The following MAGI1 variants were observed in gnomAD, a reference collection of about 807,000 sequenced individuals.
The protein encoded by MAGI1 is membrane-associated guanylate kinase, WW and PDZ domain-containing protein 1.
MAGI1 carries 58 observed loss-of-function variants against 139.9 expected under a neutral mutation model. The observed-to-expected ratio is 0.41, with a 90% CI of 0.34 to 0.52. The LOEUF (loss-of-function observed/expected upper bound fraction) is 0.52. Ranked by LOEUF, MAGI1 falls within the 20% of genes least tolerant of loss-of-function variation. The pLI is 0.12. For missense variants in MAGI1, 1,874 were observed against 1,901.6 expected, an observed-to-expected ratio of 0.99 and a Z score of 0.27; for synonymous variants, 812 against 737.9, an observed-to-expected ratio of 1.10 and a Z score of -1.63.
At chr3:65,499,793 T>C (rs74592162) in intron 2 of MAGI1, among the ~76,000 whole-genome samples, 2,065 of 152,296 alleles carry the variant, frequency 0.014, 45 homozygotes, top group African/African-American at 0.046. Flanking sequence ...TGAGTTCACA[T>C]AGTTAAATGG....
chr3:65,631,740 G>A (rs1048806319), intron 1 of MAGI1, among the ~76,000 whole-genome samples: 2 of 152,106 alleles, frequency 1.3e-5, no homozygotes. Flanking sequence ...GTGGCCAGAT[G>A]CGGTGGCTCA....
At chr3:65,570,848 G>C (rs1040034367) in intron 2 of MAGI1, among the ~76,000 whole-genome samples, 2 of 152,192 alleles carry the variant, frequency 1.3e-5, no homozygotes, top group African/African-American at 4.8e-5. Flanking sequence ...CCCCGTTTCA[G>C]GCTGCCTGGT....
chr3:65,638,272 A>G (rs1412374430), intron 1 of MAGI1, among the ~76,000 whole-genome samples: 1 of 152,190 alleles, frequency 6.6e-6, no homozygotes, highest in Admixed American at 6.5e-5. Context: ...TTCCTTCATC[A>G]TCTGACTTGA....
At chr3:65,866,210 A>C (rs2059719010) in intron 1 of MAGI1, among the ~76,000 whole-genome samples, 4 of 141,718 alleles carry the variant, frequency 2.8e-5, no homozygotes, top group Admixed American at 7.3e-5. Flanking sequence ...TGCTGTTTTC[A>C]ATTTTTTTCT....
At chr3:65,502,997 T>C (rs891661407) in intron 2 of MAGI1, among the ~76,000 whole-genome samples, 1 of 152,026 alleles carries the variant, frequency 6.6e-6, no homozygotes. Context: ...CTATGTAGAC[T>C]CAAAAGGGTC....
chr3:65,490,843 C>CAAAAAAAAAAAAAAAA (rs5849677), intron 3 of MAGI1, among the ~76,000 whole-genome samples: 2 of 64,754 alleles, frequency 3.1e-5, no homozygotes, highest in Non-Finnish European at 2.7e-5. Flanking sequence ...GACTCTGTCT[C>CAAAAAAAAAAAAAAAA]AAAAAAAAAA....
intron 1 of MAGI1, among the ~76,000 whole-genome samples, chr3:66,032,501 T>C (rs1172641678): frequency 6.7e-6 from 1 of 149,584 alleles, no homozygotes; most frequent in African/African-American, 2.5e-5. Flanking sequence ...ATTACAGGCA[T>C]GAGCCACCAC....
chr3:65,386,639 C>A (rs1168664764), intron 14 of MAGI1, among the ~76,000 whole-genome samples: 1 of 152,156 alleles, frequency 6.6e-6, no homozygotes, highest in Admixed American at 6.5e-5. Flanking sequence ...TTACTTCAGG[C>A]AGATTTTATT....
intron 1 of MAGI1, among the ~76,000 whole-genome samples, chr3:66,002,135 G>A (rs535042552): frequency 4.7e-4 from 71 of 152,286 alleles, no homozygotes; most frequent in Non-Finnish European, 7.9e-4. Context: ...GCCTGCATTA[G>A]TTCTCCTCAG....
At chr3:65,711,967 C>T (rs991127218) in intron 1 of MAGI1, among the ~76,000 whole-genome samples, 4 of 151,918 alleles carry the variant, frequency 2.6e-5, no homozygotes, top group Admixed American at 6.6e-5. Flanking sequence ...TGCAATTTAT[C>T]TTTTATTCTT....
intron 1 of MAGI1, among the ~76,000 whole-genome samples, chr3:65,740,755 G>C (rs1034338103): frequency 1.3e-5 from 2 of 152,116 alleles, no homozygotes; most frequent in African/African-American, 2.4e-5. Flanking sequence ...ACTAAGGTCA[G>C]GTCGTGAAAA....
At chr3:65,360,858 T>C in intron 22 of MAGI1, 2 of 1,166,176 alleles carry the variant, frequency 1.7e-6, no homozygotes, top group Non-Finnish European at 2.1e-6. Context: ...AAGGAGTATA[T>C]AGTCATTTTG....
intron 1 of MAGI1, among the ~76,000 whole-genome samples, chr3:65,882,613 T>C (rs2060374822): frequency 6.6e-6 from 1 of 151,446 alleles, no homozygotes; most frequent in South Asian, 2.1e-4. Flanking sequence ...AGAGAATAAA[T>C]CAGAAAAGAA....
At chr3:65,912,120 T>C (rs1171840373) in intron 1 of MAGI1, among the ~76,000 whole-genome samples, 1 of 151,962 alleles carries the variant, frequency 6.6e-6, no homozygotes, top group Non-Finnish European at 1.5e-5. Flanking sequence ...CTCTCGAGTC[T>C]AGATATGAAA....
chr3:65,475,095 G>A (rs758110593), intron 4 of MAGI1, among the ~76,000 whole-genome samples: 5 of 151,774 alleles, frequency 3.3e-5, no homozygotes, highest in Non-Finnish European at 5.9e-5. Context: ...AGAATATCAG[G>A]GATTATTGGG....
intron 1 of MAGI1, among the ~76,000 whole-genome samples, chr3:65,932,093 A>G (rs2062831626): frequency 6.6e-6 from 1 of 152,194 alleles, no homozygotes; most frequent in East Asian, 1.9e-4. Flanking sequence ...TGTGGACACA[A>G]ATGCTTACAA....
intron 1 of MAGI1, among the ~76,000 whole-genome samples, chr3:65,771,608 T>C (rs952717874): frequency 2.6e-5 from 4 of 152,258 alleles, no homozygotes; most frequent in Non-Finnish European, 4.4e-5. Flanking sequence ...ATGTGATTAA[T>C]AGTTATTTGC....
intron 1 of MAGI1, among the ~76,000 whole-genome samples, chr3:65,787,813 A>G (rs1016380391): frequency 6.6e-6 from 1 of 152,132 alleles, no homozygotes; most frequent in Non-Finnish European, 1.5e-5. Flanking sequence ...GGAGAAAGGC[A>G]TATTTCTCAG....
At chr3:65,383,685 A>C in intron 14 of MAGI1, 62 bp from the exon 15 acceptor site, 1 of 969,280 alleles carries the variant, frequency 1.0e-6, no homozygotes, top group Non-Finnish European at 1.7e-6. Flanking sequence ...GATACCCCCA[A>C]GATGAACACA....
Sources: allele counts gnomAD v4.1 joint callset (sites outside exome capture counted in the v4.1 genomes callset), GRCh38; gene constraint gnomAD v4.1.1; transcripts MANE v1.5; gene names NCBI Gene and HGNC (gene_info 2026-07-23, HGNC 2026-07-21).